Variants in CPEB4 observed in about 807,000 individuals in gnomAD.
CPEB4 encodes cytoplasmic polyadenylation element binding protein 4, also known as cytoplasmic polyadenylation element-binding protein 4.
Under a neutral mutation model 72.5 loss-of-function variants are expected in CPEB4, and 12 were observed. That is an observed-to-expected ratio of 0.17 (90% CI 0.11 to 0.27). The LOEUF is 0.27. Ranked by LOEUF, CPEB4 falls within the 10% of genes least tolerant of loss-of-function variation. The probability of loss-of-function intolerance (pLI) is 1.00; values close to 1 mark genes in which losing one functional copy is unlikely to be tolerated. For missense variants in CPEB4, 614 were observed against 908.5 expected (o/e 0.68, Z 4.17); for synonymous variants, 302 against 326.3 (o/e 0.93, Z 0.80).
chr5:173,939,840 G>A (rs1757769300), intron 3 of CPEB4, among the ~76,000 whole-genome samples: 1 of 151,380 alleles, frequency 6.6e-6, no homozygotes, highest in African/African-American at 2.4e-5. Flanking sequence ...GGCTGGACAC[G>A]GTGGCTCACG....
At chr5:173,920,649 C>T (rs1408766412) in intron 2 of CPEB4, among the ~76,000 whole-genome samples, 4 of 152,200 alleles carry the variant, frequency 2.6e-5, no homozygotes, top group Admixed American at 1.3e-4. Flanking sequence ...TCAATTTCCT[C>T]ACCTGTAAAC....
chr5:173,890,434 C>A lies in CPEB4; in HGVS notation c.701C>A (p.Pro234Gln). 6.2e-7 allele frequency: 1 copy of A among 1,613,326 alleles called. No individual in the cohort carries two copies. Among genetic ancestry groups the A allele is most frequent in the South Asian group, 1.1e-5 (1 of 90,936 alleles). Reference sequence around the variant, plus strand: ...ATCGGGCCTCTCTCACAGCACCACCCACATCACCCTCATTTCCAGCATCAT... The same window carrying A: ...ATCGGGCCTCTCTCACAGCACCACCAACATCACCCTCATTTCCAGCATCAT... The part of the protein sequence containing the change: ...PQIGPLSQHH[P>Q]HHPHFQHHHS... Residue 234 changes from proline (P) to glutamine (Q), a missense_variant, in exon 1 of 10, where the codon CCA becomes CAA. By Grantham distance (76) the Pro-to-Gln change is moderately conservative. Coordinates refer to ENST00000265085, the MANE Select transcript of CPEB4 (RefSeq NM_030627.4).
intron 3 of CPEB4, among the ~76,000 whole-genome samples, chr5:173,939,849 C>T (rs1449659956): frequency 2.0e-5 from 3 of 150,410 alleles, no homozygotes; most frequent in Non-Finnish European, 4.4e-5. Flanking sequence ...CGGTGGCTCA[C>T]GCCTGTAATC....
intron 2 of CPEB4, among the ~76,000 whole-genome samples, chr5:173,927,650 G>A (rs1033311714): frequency 2.0e-5 from 3 of 152,138 alleles, no homozygotes; most frequent in East Asian, 1.9e-4. Context: ...GGTGGTGCTC[G>A]CCTGTAGTCC....
rs1758398059 is a variant in CPEB4, at chr5:173,956,887, T to A, written c.*750T>A. 6.6e-6 allele frequency: 1 copy of A among 152,586 alleles called. No individual in the cohort carries two copies. Among genetic ancestry groups the A allele is most frequent in the African/African-American group, 2.4e-5 (1 of 41,418 alleles). The allele number at this position is 152,586 out of a possible 1,614,324, so 9.5% of individuals were successfully genotyped here. On this transcript the variant is annotated 3_prime_UTR_variant, in exon 10 of 10. Coordinates refer to ENST00000265085, the MANE Select transcript of CPEB4 (RefSeq NM_030627.4). ...TTTTCTCTTAAACAATTTTTAAAAT[T>A]CAGAATGTAAAAATTGGGTAAATTT...
intron 2 of CPEB4, among the ~76,000 whole-genome samples, chr5:173,915,410 C>A (rs576233486): frequency 6.6e-6 from 1 of 152,190 alleles, no homozygotes; most frequent in South Asian, 2.1e-4. Flanking sequence ...TCTCCTCATT[C>A]CTTATCTCCC....
rs1758559895 is a variant in CPEB4, at chr5:173,961,813, GT to G, written c.*5677del. 6.6e-6 allele frequency: 1 copy of G among 151,638 alleles called. No homozygotes were observed. The highest frequency in any genetic ancestry group is 2.1e-4 in the South Asian group (1 of 4,826). 9.4% of individuals were successfully genotyped at this position (151,638 alleles called of 1,614,324 possible). A position where few individuals can be genotyped will look rare whatever the true frequency, so the allele number is the denominator to read the frequency against. On this transcript the variant is annotated 3_prime_UTR_variant, in exon 10 of 10. Transcript: ENST00000265085. The stretch of plus-strand genomic sequence containing the variant: ...AAATTGAAGAATACTGAAGGTGTCA[GT>G]GAGTTAGAAATTTTTAAGGAGTAAT...
intron 1 of CPEB4, among the ~76,000 whole-genome samples, chr5:173,902,671 G>C (rs528473969): frequency 1.3e-5 from 2 of 152,192 alleles, no homozygotes; most frequent in Admixed American, 1.3e-4. Flanking sequence ...TTTTAAACAA[G>C]AGTGAAATAT....
chr5:173,933,747 T>C (rs1352538700), intron 3 of CPEB4, among the ~76,000 whole-genome samples: 2 of 152,190 alleles, frequency 1.3e-5, no homozygotes, highest in Non-Finnish European at 2.9e-5. Flanking sequence ...GGGATATTAC[T>C]GTGTCATCTT....
At chr5:173,946,460 C>T (rs1039214614) in intron 5 of CPEB4, among the ~76,000 whole-genome samples, 1 of 152,182 alleles carries the variant, frequency 6.6e-6, no homozygotes, top group Non-Finnish European at 1.5e-5. Context: ...GCAAGTAGCT[C>T]AGCATGCTTG....
chr5:173,943,775 T>C (rs1256041666), intron 4 of CPEB4, among the ~76,000 whole-genome samples: 2 of 152,198 alleles, frequency 1.3e-5, no homozygotes, highest in Non-Finnish European at 2.9e-5. Flanking sequence ...AGGATAAATT[T>C]ATAAAAAATA....
intron 2 of CPEB4, among the ~76,000 whole-genome samples, chr5:173,931,954 A>G (rs66864367): frequency 0.11 from 16,280 of 152,200 alleles, 1,083 homozygotes; most frequent in African/African-American, 0.18. Flanking sequence ...GATATTTTTC[A>G]TCATATGTAA....
In CPEB4 at chr5:173,888,404, G is replaced by A; in HGVS notation, c.-1330G>A. 1 of 453,898 alleles carries A rather than the reference G, an allele frequency of 2.2e-6. No individual in the cohort carries two copies. Among genetic ancestry groups the A allele is most frequent in the Non-Finnish European group, 3.8e-6 (1 of 263,394 alleles). The allele number at this position is 453,898 out of a possible 1,614,324, so 28.1% of individuals were successfully genotyped here. ...GCCGCGGCTGCGGGACCCGGGCACC[G>A]GGAGGCGGTGGCGGCGGCGGCGGCG... On this transcript the variant is annotated 5_prime_UTR_variant, in exon 1 of 10. Coordinates refer to ENST00000265085, the MANE Select transcript of CPEB4 (RefSeq NM_030627.4). This position sits in a 1 kb window ranked among gnomAD's most constrained non-coding sequence, Gnocchi z 4.3.
intron 2 of CPEB4, among the ~76,000 whole-genome samples, chr5:173,922,313 C>T (rs938314937): frequency 1.1e-4 from 17 of 152,094 alleles, no homozygotes; most frequent in African/African-American, 3.9e-4. Context: ...TCACTGCAGC[C>T]TCCGCCTCCT....
rs1206210781 is a variant in CPEB4 at position 173,961,676 on chromosome 5, G to T, written c.*5539G>T. 2.0e-5 allele frequency: 3 copies of T among 150,556 alleles called. No homozygotes were observed. Among genetic ancestry groups the T allele is most frequent in the Non-Finnish European group, 4.4e-5 (3 of 67,796 alleles). 9.3% of individuals were successfully genotyped at this position (150,556 alleles called of 1,614,324 possible). A position where few individuals can be genotyped will look rare whatever the true frequency, so the allele number is the denominator to read the frequency against. On this transcript the variant is annotated 3_prime_UTR_variant, in exon 10 of 10. Coordinates refer to ENST00000265085, the MANE Select transcript of CPEB4 (RefSeq NM_030627.4). ...TAACCCCTTTTGGTAATGGGTGTTT[G>T]TGTCCACAGCTAGATCAGAAAGTAA... is the stretch of plus-strand genomic sequence containing the variant.
chr5:173,894,836 A>C (rs1014456606), intron 1 of CPEB4, among the ~76,000 whole-genome samples: 2 of 152,032 alleles, frequency 1.3e-5, no homozygotes. Flanking sequence ...TGGAAGGGAG[A>C]GTGCCTCCCA....
chr5:173,890,492 T>A lies in CPEB4; in HGVS notation c.759T>A (p.Pro253=). 6.2e-7 allele frequency: 1 copy of A among 1,611,964 alleles called. No homozygotes were observed. Among genetic ancestry groups the A allele is most frequent in the Non-Finnish European group, 8.5e-7 (1 of 1,178,962 alleles). The change falls in exon 1 of 10, where the codon CCT becomes CCA. Residue 253 remains proline, a synonymous_variant. Coordinates refer to ENST00000265085, the MANE Select transcript of CPEB4 (RefSeq NM_030627.4). ...AGCATCAGCAGCAAAGGAGGTCTCC[T>A]GCCAGTCCCCATCCCCCACCCTTCA... ...HSQHQQQRRS[P]ASPHPPPFTH...
At chr5:173,914,179 C>T (rs1756779556) in intron 2 of CPEB4, among the ~76,000 whole-genome samples, 1 of 152,104 alleles carries the variant, frequency 6.6e-6, no homozygotes, top group Non-Finnish European at 1.5e-5. Flanking sequence ...ATCATTGTAG[C>T]CTATCACTGC....
At chr5:173,939,956 C>CAAAAAAAAAAAAA (rs35154045) in intron 3 of CPEB4, among the ~76,000 whole-genome samples, 1 of 68,376 alleles carries the variant, frequency 1.5e-5, no homozygotes. Context: ...TAATAAAATA[C>CAAAAAAAAAAAAA]AAAAAAAAAA....
Sources: gnomAD v4.1 joint callset for allele counts (sites outside exome capture counted in the v4.1 genomes callset) on GRCh38, gnomAD v4.1.1 for gene constraint, Gnocchi (gnomAD v3.1) non-coding constraint, MANE v1.5 for transcripts, NCBI Gene and HGNC (gene_info 2026-07-23, HGNC 2026-07-21) for gene names.